The following RBFOX1 variants were observed in gnomAD, a reference collection of about 807,000 sequenced individuals.
RBFOX1 encodes the protein RNA binding protein fox-1 homolog 1.
In RBFOX1, 8 loss-of-function variants were observed where a neutral mutation model predicts 57.7. The ratio of observed to expected loss-of-function variants is 0.14; its 90% CI spans 0.08 to 0.25. The LOEUF (loss-of-function observed/expected upper bound fraction) is 0.25, where lower values mean the gene tolerates loss of function less well. Ranked by LOEUF, RBFOX1 falls within the 10% of genes least tolerant of loss-of-function variation. RBFOX1 has a pLI of 1.00. For synonymous variants in RBFOX1, 326 were observed against 222.4 expected (o/e 1.47, Z -4.15); for missense variants, 611 against 548.5 (o/e 1.11, Z -1.14).
At chr16:7,333,066 C>A in intron 4 of RBFOX1, 1 of 1,613,936 alleles carries the variant, frequency 6.2e-7, no homozygotes, top group Non-Finnish European at 8.5e-7. Context: ...CCGGCAGCTC[C>A]TTACCTTCCT....
intron 1 of RBFOX1, among the ~76,000 whole-genome samples, chr16:6,160,518 C>T (rs2096870420): frequency 1.3e-5 from 2 of 152,168 alleles, no homozygotes; most frequent in Non-Finnish European, 2.9e-5. Context: ...ACACCGTCAT[C>T]TTTGAGTCAT....
intron 1 of RBFOX1, among the ~76,000 whole-genome samples, chr16:6,106,699 G>T (rs543764673): frequency 2.0e-5 from 3 of 151,992 alleles, no homozygotes; most frequent in African/African-American, 7.2e-5. Flanking sequence ...ACGGAGTGTC[G>T]CTCTGTTGCC....
intron 4 of RBFOX1, among the ~76,000 whole-genome samples, chr16:5,958,510 A>G (rs1490721769): frequency 6.6e-6 from 1 of 152,188 alleles, no homozygotes; most frequent in Non-Finnish European, 1.5e-5. Context: ...TAAATTGCTT[A>G]GCCTCAGTTT....
At chr16:6,372,448 G>T (rs2090573263) in intron 2 of RBFOX1, among the ~76,000 whole-genome samples, 1 of 150,722 alleles carries the variant, frequency 6.6e-6, no homozygotes, top group Non-Finnish European at 1.5e-5. Context: ...AAGGATAGTT[G>T]GTTAGGATCT....
chr16:5,283,868 C>G (rs1488126774), intron 1 of RBFOX1, among the ~76,000 whole-genome samples: 3 of 152,076 alleles, frequency 2.0e-5, no homozygotes, highest in Non-Finnish European at 2.9e-5. Flanking sequence ...CTTTGGGGGA[C>G]TGTTGGGAAG....
intron 4 of RBFOX1, among the ~76,000 whole-genome samples, chr16:7,391,988 C>T (rs188723046): frequency 1.1e-3 from 167 of 152,282 alleles, no homozygotes; most frequent in African/African-American, 3.7e-3. Context: ...AGAATACAAG[C>T]TCTCTCTGTC....
At chr16:7,155,296 G>A (rs13380593) in intron 4 of RBFOX1, among the ~76,000 whole-genome samples, 114,202 of 151,912 alleles carry the variant, frequency 0.75, 42,989 homozygotes, top group Admixed American at 0.8. Flanking sequence ...GAAAGGAATC[G>A]AGAGTTGGAG....
chr16:5,253,171 C>G (rs9923894), intron 1 of RBFOX1, among the ~76,000 whole-genome samples: 53,202 of 151,172 alleles, frequency 0.35, 9,460 homozygotes, highest in African/African-American at 0.41. Context: ...TTTTTTGAGA[C>G]TGAATTTCAC....
chr16:5,978,852 G>T (rs530632341), intron 4 of RBFOX1, among the ~76,000 whole-genome samples: 1 of 152,116 alleles, frequency 6.6e-6, no homozygotes, highest in Non-Finnish European at 1.5e-5. Context: ...ATCATATAGC[G>T]AGAGCTACAC....
At chr16:5,589,911 C>T (rs1449264391) in intron 2 of RBFOX1, among the ~76,000 whole-genome samples, 1 of 152,150 alleles carries the variant, frequency 6.6e-6, no homozygotes, top group Non-Finnish European at 1.5e-5. Context: ...CCATCCCACA[C>T]TCACACCTGG....
In RBFOX1 at chr16:7,206,004, A is replaced by G. The variant is rs544918807; in HGVS notation, c.27+153906A>G. On this transcript the variant is annotated intron_variant, in intron 4 of 15. Coordinates refer to ENST00000550418, the MANE Select transcript of RBFOX1 (RefSeq NM_018723.4). ...AGCCTATGGCCGATGTTGTGTTCTGAACACAGGTGTGGCTTGCCCACCCAG... is the reference window on the plus strand; with the variant it reads ...AGCCTATGGCCGATGTTGTGTTCTGGACACAGGTGTGGCTTGCCCACCCAG... Among the ~76,000 whole-genome samples, 37 of 152,356 alleles carry G rather than the reference A, an allele frequency of 2.4e-4. 1 individual carries two copies. The East Asian group carries it at 6.6e-3, about 27-fold the overall frequency.
chr16:6,531,392 G>C (rs1005621696), intron 2 of RBFOX1, among the ~76,000 whole-genome samples: 4 of 152,124 alleles, frequency 2.6e-5, no homozygotes, highest in African/African-American at 9.7e-5. Context: ...CTCAGACATA[G>C]GATCAGTTTT....
chr16:7,217,383 C>T (rs1603296107), intron 4 of RBFOX1, among the ~76,000 whole-genome samples: 1 of 142,816 alleles, frequency 7.0e-6, no homozygotes, highest in East Asian at 2.1e-4. Context: ...TCCACCTTGG[C>T]CTCCCAAAGT....
intron 2 of RBFOX1, among the ~76,000 whole-genome samples, chr16:6,557,746 G>C (rs1199818464): frequency 1.3e-5 from 2 of 152,178 alleles, no homozygotes; most frequent in Non-Finnish European, 2.9e-5. Context: ...GGTATAAATT[G>C]ATTTGCTGTG....
chr16:7,313,845 C>T (rs903036929), intron 4 of RBFOX1, among the ~76,000 whole-genome samples: 2 of 152,104 alleles, frequency 1.3e-5, no homozygotes, highest in South Asian at 4.1e-4. Context: ...CGATTCTGCA[C>T]CATCCCTATG....
At chr16:7,412,309 T>G (rs1466308494) in intron 4 of RBFOX1, among the ~76,000 whole-genome samples, 1 of 149,276 alleles carries the variant, frequency 6.7e-6, no homozygotes, top group East Asian at 2.0e-4. Flanking sequence ...CAGCTCCTCA[T>G]GAGGCTGAGG....
At chr16:6,955,689 G>GTATTTATTTATTTATT (rs58578302) in intron 3 of RBFOX1, among the ~76,000 whole-genome samples, 1,447 of 118,662 alleles carry the variant, frequency 0.012, 21 homozygotes, top group African/African-American at 0.038. Context: ...AGGTATGTAT[G>GTATTTATTTATTTATT]TATTTATTTA....
At chr16:5,385,592 G>A (rs1001374491) in intron 1 of RBFOX1, among the ~76,000 whole-genome samples, 1 of 152,190 alleles carries the variant, frequency 6.6e-6, no homozygotes, top group Non-Finnish European at 1.5e-5. Flanking sequence ...TGGGCTGTCA[G>A]TGTCCCTTAT....
chr16:6,760,563 C>G lies in RBFOX1; in HGVS notation c.-16+105913C>G, dbSNP rs117338545. The stretch of plus-strand genomic sequence containing the variant: ...GCTTTTGGAAGGAATTGTTAGTCTT[C>G]TCGACAGTTTAGCATTTGATCTTGT... On this transcript the variant is annotated intron_variant, in intron 3 of 15. Transcript: ENST00000550418. Among the ~76,000 whole-genome samples, 38 of 152,312 alleles carry G rather than the reference C, an allele frequency of 2.5e-4. No homozygotes were observed. In the East Asian group the frequency reaches 5.8e-3, roughly 23 times the overall value.
Sources: gnomAD v4.1 joint callset for allele counts (sites outside exome capture counted in the v4.1 genomes callset) on GRCh38, gnomAD v4.1.1 for gene constraint, MANE v1.5 for transcripts, NCBI Gene and HGNC (gene_info 2026-07-23, HGNC 2026-07-21) for gene names.